Variants in SEL1L2 observed in about 807,000 individuals in gnomAD.
SEL1L2 encodes protein sel-1 homolog 2.
A neutral mutation model predicts 98.8 loss-of-function variants in SEL1L2; 89 were observed. That is an observed-to-expected ratio of 0.90 (90% CI 0.76 to 1.07). SEL1L2 has a LOEUF of 1.07. Ranked by LOEUF, SEL1L2 falls within the 50% of genes least tolerant of loss-of-function variation. SEL1L2 has a pLI of 0.00. For synonymous variants in SEL1L2, 262 were observed against 278.5 expected (o/e 0.94, Z 0.59); for missense variants, 788 against 812.0 (o/e 0.97, Z 0.36).
intron 17 of SEL1L2, among the ~76,000 whole-genome samples, chr20:13,862,677 T>A (rs899120649): frequency 3.3e-5 from 5 of 151,410 alleles, no homozygotes; most frequent in African/African-American, 1.2e-4. Context: ...AAATTTTTAT[T>A]ATTATTATTT....
At chr20:13,908,395 A>G (rs1291940296) in intron 5 of SEL1L2, among the ~76,000 whole-genome samples, 1 of 152,136 alleles carries the variant, frequency 6.6e-6, no homozygotes, top group African/African-American at 2.4e-5. Flanking sequence ...AAATGTTGGG[A>G]TCATAGGCGT....
intron 5 of SEL1L2, among the ~76,000 whole-genome samples, chr20:13,894,011 T>G (rs1309460713): frequency 3.9e-5 from 6 of 151,986 alleles, no homozygotes; most frequent in African/African-American, 1.5e-4. Context: ...ACACCAAAAC[T>G]TATGGGGATG....
At chr20:13,899,610 T>G (rs1403861966) in intron 5 of SEL1L2, among the ~76,000 whole-genome samples, 1 of 152,122 alleles carries the variant, frequency 6.6e-6, no homozygotes. Context: ...CTTTTTTTTA[T>G]AAGGGCACCT....
rs544374905 is a variant in SEL1L2 at position 13,936,162 on chromosome 20, C to T, written c.115-4391G>A. ...TCTTGAAGCTCTGAAATAGCCTTTG[C>T]CAAAATTATGACAGCGAGAAAATTA... On this transcript the variant is annotated intron_variant, in intron 2 of 19. Coordinates refer to ENST00000284951, the MANE Select transcript of SEL1L2 (RefSeq NM_025229.2). 2.1e-4 allele frequency among the ~76,000 whole-genome samples: 32 copies of T among 152,230 alleles called. No individual in the cohort carries two copies. The South Asian group carries it at 6.2e-3, about 30-fold the overall frequency.
At chr20:13,915,450 G>C (rs1352906449) in intron 4 of SEL1L2, among the ~76,000 whole-genome samples, 1 of 152,154 alleles carries the variant, frequency 6.6e-6, no homozygotes, top group Non-Finnish European at 1.5e-5. Flanking sequence ...CTGGCATCAG[G>C]ATACAGACTC....
chr20:13,970,170 C>T (rs2051218602), intron 1 of SEL1L2, among the ~76,000 whole-genome samples: 1 of 152,014 alleles, frequency 6.6e-6, no homozygotes, highest in South Asian at 2.1e-4. Flanking sequence ...TTTTAAGTTA[C>T]AATAGAAAAC....
intron 2 of SEL1L2, among the ~76,000 whole-genome samples, chr20:13,951,807 G>T (rs1189840693): frequency 4.7e-5 from 7 of 149,844 alleles, no homozygotes; most frequent in Non-Finnish European, 1.5e-5. Context: ...TGTTTTTTTT[G>T]TTTATATTTT....
intron 10 of SEL1L2, among the ~76,000 whole-genome samples, chr20:13,879,739 A>G (rs1487597491): frequency 6.6e-6 from 1 of 152,198 alleles, no homozygotes; most frequent in Non-Finnish European, 1.5e-5. Flanking sequence ...TGAAGATAAA[A>G]TGCCTGGAAT....
intron 1 of SEL1L2, among the ~76,000 whole-genome samples, chr20:13,974,345 A>G (rs2051424985): frequency 6.6e-6 from 1 of 152,086 alleles, no homozygotes; most frequent in African/African-American, 2.4e-5. Flanking sequence ...CAACCTAGTA[A>G]TCTAGCCTTT....
chr20:13,883,501 C>T (rs976525619), intron 10 of SEL1L2, among the ~76,000 whole-genome samples: 1 of 152,220 alleles, frequency 6.6e-6, no homozygotes, highest in African/African-American at 2.4e-5. Context: ...AGCTGTGAGC[C>T]TTGAAGCAAT....
chr20:13,888,926 G>A (rs1464440939), intron 5 of SEL1L2, among the ~76,000 whole-genome samples: 2 of 150,282 alleles, frequency 1.3e-5, no homozygotes, highest in Non-Finnish European at 3.0e-5. Context: ...GATTACAGGC[G>A]TGAGCCACTG....
chr20:13,981,474 TTA>T (rs1455582790), intron 1 of SEL1L2, among the ~76,000 whole-genome samples: 2 of 152,236 alleles, frequency 1.3e-5, no homozygotes, highest in Non-Finnish European at 2.9e-5. Context: ...AAAATGGTAC[TTA>T]TATGAAGGGA....
At chr20:13,967,702 A>G (rs2051113223) in intron 1 of SEL1L2, among the ~76,000 whole-genome samples, 1 of 152,194 alleles carries the variant, frequency 6.6e-6, no homozygotes, top group African/African-American at 2.4e-5. Context: ...ATTCTGAAGG[A>G]CACAGCTTTT....
chr20:13,859,124 G>A, intron 18 of SEL1L2, 138 bp downstream of exon 18: 1 of 727,478 alleles, frequency 1.4e-6, no homozygotes, highest in Non-Finnish European at 2.3e-6. Flanking sequence ...ATTGGCACAA[G>A]GGATGGATTT....
intron 2 of SEL1L2, among the ~76,000 whole-genome samples, chr20:13,934,786 T>G (rs2148337326): frequency 6.6e-6 from 1 of 151,976 alleles, no homozygotes; most frequent in South Asian, 2.1e-4. Flanking sequence ...TTTTTTTTTA[T>G]TTTTTGATTA....
rs190875805 is a variant in SEL1L2 at position 13,959,208 on chromosome 20, G to A, written c.59-3077C>T. 3.9e-5 allele frequency among the ~76,000 whole-genome samples: 6 copies of A among 152,228 alleles called. No homozygotes were observed. The East Asian group carries it at 1.2e-3, about 29-fold the overall frequency. On this transcript the variant is annotated intron_variant, in intron 1 of 19. Transcript: ENST00000284951. ...TAATGTGTCCTCTTTTCTTAACAAC[G>A]AACATTTCTCGATTGGATTGTGATG...
At chr20:13,889,268 G>A (rs1206015668) in intron 5 of SEL1L2, among the ~76,000 whole-genome samples, 4 of 151,720 alleles carry the variant, frequency 2.6e-5, no homozygotes, top group Non-Finnish European at 5.9e-5. Context: ...TTACAGGCGT[G>A]AGCCACCACG....
chr20:13,960,269 T>C (rs1407826021), intron 1 of SEL1L2, among the ~76,000 whole-genome samples: 1 of 152,106 alleles, frequency 6.6e-6, no homozygotes, highest in Non-Finnish European at 1.5e-5. Context: ...ATTATAGATA[T>C]TAAATGGAGT....
At chr20:13,887,049 T>A (rs1419904396) in intron 8 of SEL1L2, among the ~76,000 whole-genome samples, 1 of 152,204 alleles carries the variant, frequency 6.6e-6, no homozygotes, top group Non-Finnish European at 1.5e-5. Context: ...ATTCCATTCA[T>A]AATTTTTTTC....
Sources: allele counts gnomAD v4.1 joint callset (sites outside exome capture counted in the v4.1 genomes callset), GRCh38; gene constraint gnomAD v4.1.1; transcripts MANE v1.5; gene names NCBI Gene and HGNC (gene_info 2026-07-23, HGNC 2026-07-21).